Variants in DYM observed in about 807,000 individuals in gnomAD.
DYM encodes the protein dymeclin.
DYM carries 78 observed loss-of-function variants against 93.1 expected under a neutral mutation model. The ratio of observed to expected loss-of-function variants is 0.84; its 90% CI spans 0.70 to 1.01. The LOEUF (loss-of-function observed/expected upper bound fraction) is 1.01, where lower values mean the gene tolerates loss of function less well. Ranked by LOEUF, DYM falls within the 50% of genes least tolerant of loss-of-function variation. The probability of loss-of-function intolerance (pLI) is 0.00; values close to 1 mark genes in which losing one functional copy is unlikely to be tolerated. For synonymous variants in DYM, 321 were observed against 319.7 expected (o/e 1.00, Z -0.04); for missense variants, 789 against 845.0 (o/e 0.93, Z 0.82).
chr18:49,325,997 A>G (rs1265504788), intron 8 of DYM, among the ~76,000 whole-genome samples: 1 of 152,240 alleles, frequency 6.6e-6, no homozygotes, highest in East Asian at 1.9e-4. Context: ...GAAGAGATTC[A>G]GGAACTGGAA....
At chr18:49,129,650 T>C (rs1464345786) in intron 15 of DYM, among the ~76,000 whole-genome samples, 1 of 152,220 alleles carries the variant, frequency 6.6e-6, no homozygotes, top group Non-Finnish European at 1.5e-5. Flanking sequence ...TCTTTCTCAC[T>C]ATCCTCTACT....
intron 9 of DYM, among the ~76,000 whole-genome samples, chr18:49,286,093 T>A (rs1316007606): frequency 6.6e-6 from 1 of 152,190 alleles, no homozygotes; most frequent in Non-Finnish European, 1.5e-5. Context: ...TATAAAACTC[T>A]AGAACACAGA....
At chr18:49,057,516 G>A (rs2075603832) in intron 17 of DYM, among the ~76,000 whole-genome samples, 1 of 152,222 alleles carries the variant, frequency 6.6e-6, no homozygotes, top group Non-Finnish European at 1.5e-5. Flanking sequence ...GTTAACTGGG[G>A]CGGGGGGTTT....
At chr18:49,060,758 A>AGAGAGAGGGG (rs2075918600) in intron 17 of DYM, among the ~76,000 whole-genome samples, 1 of 104,652 alleles carries the variant, frequency 9.6e-6, no homozygotes, top group Non-Finnish European at 2.0e-5. Context: ...GGAGAGAGAG[A>AGAGAGAGGGG]GAGAGAGGGG....
intron 13 of DYM, among the ~76,000 whole-genome samples, chr18:49,216,807 AAC>A (rs1441967322): frequency 6.6e-6 from 1 of 152,152 alleles, no homozygotes; most frequent in African/African-American, 2.4e-5. Context: ...ATGGGGAAAA[AAC>A]AGAGCAAAAA....
chr18:49,447,711 T>C (rs766690855), intron 1 of DYM, among the ~76,000 whole-genome samples: 5 of 152,200 alleles, frequency 3.3e-5, no homozygotes, highest in African/African-American at 9.7e-5. Context: ...AACTTTCCTA[T>C]TGTAATCTCC....
At chr18:49,325,344 T>G (rs2062806925) in intron 8 of DYM, among the ~76,000 whole-genome samples, 1 of 152,046 alleles carries the variant, frequency 6.6e-6, no homozygotes, top group South Asian at 2.1e-4. Context: ...AAAAAATCCC[T>G]AGTTACATTC....
chr18:49,354,763 A>C (rs1464875424), intron 6 of DYM, among the ~76,000 whole-genome samples: 1 of 152,110 alleles, frequency 6.6e-6, no homozygotes, highest in African/African-American at 2.4e-5. Context: ...AAAATTTAAA[A>C]CACTAACACC....
At chr18:49,435,207 CAAAAAAAAAA>C (rs150003482) in intron 1 of DYM, among the ~76,000 whole-genome samples, 2 of 88,768 alleles carry the variant, frequency 2.3e-5, no homozygotes, top group African/African-American at 9.0e-5. Flanking sequence ...GACTCCATCT[CAAAAAAAAAA>C]AAAAAAAAAA....
At chr18:49,450,215 AAC>A (rs1222116138) in intron 1 of DYM, among the ~76,000 whole-genome samples, 2 of 152,218 alleles carry the variant, frequency 1.3e-5, no homozygotes, top group Non-Finnish European at 2.9e-5. Context: ...TTGAAAGAAA[AAC>A]ACGGCAAGGC....
At chr18:49,059,480 A>G (rs1429582439) in intron 17 of DYM, among the ~76,000 whole-genome samples, 1 of 152,220 alleles carries the variant, frequency 6.6e-6, no homozygotes, top group Admixed American at 6.5e-5. Flanking sequence ...CAATGGTGAT[A>G]CAAAATAATG....
intron 9 of DYM, among the ~76,000 whole-genome samples, chr18:49,284,144 T>C (rs1291932797): frequency 6.6e-6 from 1 of 152,184 alleles, no homozygotes; most frequent in Non-Finnish European, 1.5e-5. Flanking sequence ...ACCTGTATTA[T>C]ACCTGACTGC....
At chr18:49,050,318 C>T (rs1168197994) in intron 17 of DYM, among the ~76,000 whole-genome samples, 4 of 151,596 alleles carry the variant, frequency 2.6e-5, no homozygotes, top group South Asian at 2.1e-4. Context: ...CTTGAACTCC[C>T]GACCTCAGGT....
chr18:49,234,423 C>T (rs894847516), intron 13 of DYM, among the ~76,000 whole-genome samples: 1 of 152,146 alleles, frequency 6.6e-6, no homozygotes, highest in African/African-American at 2.4e-5. Context: ...TGCCACCACA[C>T]TCCAGCCTGG....
chr18:49,097,997 T>A (rs755733993), intron 16 of DYM, among the ~76,000 whole-genome samples: 1 of 151,910 alleles, frequency 6.6e-6, no homozygotes, highest in Non-Finnish European at 1.5e-5. Context: ...CACATTTCCC[T>A]TATCATGATC....
At chr18:49,074,839 GT>G (rs1423534849) in intron 17 of DYM, among the ~76,000 whole-genome samples, 2 of 152,180 alleles carry the variant, frequency 1.3e-5, no homozygotes. Context: ...ATGTTTTTCT[GT>G]TTTCTTTTGA....
At chr18:49,058,415 G>A (rs1281114032) in intron 17 of DYM, among the ~76,000 whole-genome samples, 1 of 151,694 alleles carries the variant, frequency 6.6e-6, no homozygotes, top group Non-Finnish European at 1.5e-5. Flanking sequence ...AAACTTCTGG[G>A]CTCAAGTGAT....
At chr18:49,288,262 CCAA>C (rs1385004081) in intron 8 of DYM, among the ~76,000 whole-genome samples, 1 of 151,926 alleles carries the variant, frequency 6.6e-6, no homozygotes, top group African/African-American at 2.4e-5. Flanking sequence ...GTCAACACCA[CCAA>C]CAACAATAAA....
chr18:49,255,347 CAGCCTGGTTGACAG>C (rs2094369920), intron 13 of DYM, among the ~76,000 whole-genome samples: 1 of 152,124 alleles, frequency 6.6e-6, no homozygotes, highest in African/African-American at 2.4e-5. Context: ...CACTGCACTC[CAGCCTGGTTGACAG>C]AGTGAAACCC....
Sources: gnomAD v4.1 joint callset for allele counts (sites outside exome capture counted in the v4.1 genomes callset) on GRCh38, gnomAD v4.1.1 for gene constraint, MANE v1.5 for transcripts, NCBI Gene and HGNC (gene_info 2026-07-23, HGNC 2026-07-21) for gene names.